SYN3: variants seen among roughly 807,000 people sequenced by gnomAD.
The protein encoded by SYN3 is synapsin III.
In SYN3, 35 loss-of-function variants were observed where a neutral mutation model predicts 65.8. The observed-to-expected ratio is 0.53, with a 90% CI of 0.41 to 0.70. SYN3 has a LOEUF of 0.70. Ranked by LOEUF, SYN3 falls within the 30% of genes least tolerant of loss-of-function variation. SYN3 has a pLI of 0.00. For synonymous variants in SYN3, 270 were observed against 292.9 expected (o/e 0.92, Z 0.80); for missense variants, 680 against 749.0 (o/e 0.91, Z 1.08).
chr22:32,749,578 T>C (rs1413314542), intron 6 of SYN3, among the ~76,000 whole-genome samples: 3 of 151,496 alleles, frequency 2.0e-5, no homozygotes, highest in Admixed American at 2.0e-4. Context: ...GTGGCAGGGG[T>C]TGCAGTGAGC....
At position 32,527,980 on chromosome 22, in the gene SYN3, G is replaced by A. The variant is rs1449710325; in HGVS notation, c.1256C>T (p.Ser419Phe). 6.3e-7 allele frequency: 1 copy of A among 1,586,252 alleles called. No homozygotes were observed. The change falls in exon 12 of 14, where the codon TCC becomes TTC. Residue 419 changes from serine to phenylalanine, a missense_variant. By Grantham distance (155) the Ser-to-Phe change is radical. Transcript: ENST00000358763. ...AGGCCCCAGCTGGGCTTGCCCTGGG[G>A]ATTTCGCTGATTTAATCTGTGGAGC... ...PWAPQIKSAK[S>F]PGQAQLGPQL...
intron 7 of SYN3, among the ~76,000 whole-genome samples, chr22:32,561,123 A>G (rs544501955): frequency 3.3e-5 from 5 of 152,258 alleles, no homozygotes; most frequent in African/African-American, 9.6e-5. Context: ...ACGACAGAGA[A>G]AGTCTCCCTC....
At chr22:32,602,299 C>T (rs1236147161) in intron 6 of SYN3, among the ~76,000 whole-genome samples, 5 of 152,176 alleles carry the variant, frequency 3.3e-5, no homozygotes, top group African/African-American at 1.2e-4. Context: ...TCCCTCACCA[C>T]GTGCAATCTT....
chr22:32,904,023 C>T (rs2049835063), intron 4 of SYN3, among the ~76,000 whole-genome samples: 1 of 152,170 alleles, frequency 6.6e-6, no homozygotes. Context: ...CTCAGAGCAC[C>T]ACAACAGACA....
intron 6 of SYN3, among the ~76,000 whole-genome samples, chr22:32,726,493 A>G (rs1382409858): frequency 6.6e-6 from 1 of 152,124 alleles, no homozygotes; most frequent in Admixed American, 6.6e-5. Context: ...CTATATCCAT[A>G]TGGGCTTTAC....
At chr22:32,708,379 C>T (rs1485774693) in intron 6 of SYN3, among the ~76,000 whole-genome samples, 1 of 152,196 alleles carries the variant, frequency 6.6e-6, no homozygotes, top group African/African-American at 2.4e-5. Flanking sequence ...CCATTCCCAC[C>T]ACGATGTAGT....
chr22:32,993,619 C>G (rs1002341350), intron 2 of SYN3, among the ~76,000 whole-genome samples: 14 of 152,362 alleles, frequency 9.2e-5, no homozygotes, highest in Admixed American at 7.2e-4. Flanking sequence ...GTTGGGATTA[C>G]AGGCGTGAGC....
intron 4 of SYN3, among the ~76,000 whole-genome samples, chr22:32,895,923 G>A (rs1034518484): frequency 6.6e-6 from 1 of 152,098 alleles, no homozygotes; most frequent in Non-Finnish European, 1.5e-5. Flanking sequence ...GGTCATACTA[G>A]TACTATTAAT....
chr22:32,849,602 G>A, intron 6 of SYN3: 2 of 1,434,054 alleles, frequency 1.4e-6, no homozygotes, highest in East Asian at 2.4e-5. Flanking sequence ...CCTGGCTAAG[G>A]GAGGCAAAGT....
intron 6 of SYN3, among the ~76,000 whole-genome samples, chr22:32,603,859 G>A (rs1394369732): frequency 1.3e-5 from 2 of 152,270 alleles, no homozygotes; most frequent in East Asian, 1.9e-4. Flanking sequence ...ACTCCAGAGT[G>A]CAGCACTGCC....
At chr22:33,001,337 A>C (rs1050123721) in intron 2 of SYN3, among the ~76,000 whole-genome samples, 3 of 152,162 alleles carry the variant, frequency 2.0e-5, no homozygotes, top group Non-Finnish European at 1.5e-5. Flanking sequence ...CTGAACATCA[A>C]ATTCAAAATT....
At chr22:32,984,670 G>T (rs2052472733) in intron 2 of SYN3, among the ~76,000 whole-genome samples, 1 of 152,176 alleles carries the variant, frequency 6.6e-6, no homozygotes, top group African/African-American at 2.4e-5. Flanking sequence ...GTCAAGAGAG[G>T]TGTGGCTAAT....
At chr22:32,892,581 G>A (rs1250282592) in intron 4 of SYN3, among the ~76,000 whole-genome samples, 1 of 152,206 alleles carries the variant, frequency 6.6e-6, no homozygotes. Context: ...AGAGAGAGAT[G>A]TATTTCTGAT....
At chr22:32,668,683 C>T (rs2060323706) in intron 6 of SYN3, among the ~76,000 whole-genome samples, 1 of 152,106 alleles carries the variant, frequency 6.6e-6, no homozygotes, top group Non-Finnish European at 1.5e-5. Context: ...ATTAGGGCTG[C>T]CCAAATGTAA....
At position 32,858,044 on chromosome 22, in the gene SYN3, C is replaced by T. The variant is rs773248900; in HGVS notation, c.711+6871G>A. ...CGCGTCTATGATGGCAAGATGTACA[C>T]GGGGCTGTGCAACTTCGTGGAGAGG... is the stretch of plus-strand genomic sequence containing the variant. On this transcript the variant is annotated intron_variant, in intron 6 of 13. Coordinates refer to ENST00000358763, the MANE Select transcript of SYN3 (RefSeq NM_003490.4). 1.1e-5 allele frequency: 17 copies of T among 1,614,032 alleles called. No individual in the cohort carries two copies. The Admixed American group carries it at 1.5e-4, about 14-fold the overall frequency.
chr22:32,660,864 C>T (rs1405368093), intron 6 of SYN3, among the ~76,000 whole-genome samples: 1 of 152,110 alleles, frequency 6.6e-6, no homozygotes, highest in Non-Finnish European at 1.5e-5. Context: ...CTAAGGACCA[C>T]CACCCAGGCG....
intron 4 of SYN3, among the ~76,000 whole-genome samples, chr22:32,895,951 G>A (rs2049581071): frequency 6.6e-6 from 1 of 152,160 alleles, no homozygotes; most frequent in Admixed American, 6.5e-5. Flanking sequence ...GGGTTGTTGG[G>A]AAGATTGAAT....
intron 7 of SYN3, among the ~76,000 whole-genome samples, chr22:32,568,007 C>T (rs1052029858): frequency 6.6e-6 from 1 of 152,188 alleles, no homozygotes; most frequent in Non-Finnish European, 1.5e-5. Context: ...TCAGAAGGGA[C>T]CGGACGGTCA....
chr22:32,556,109 C>A (rs1314902335), intron 7 of SYN3, among the ~76,000 whole-genome samples: 1 of 152,114 alleles, frequency 6.6e-6, no homozygotes, highest in Non-Finnish European at 1.5e-5. Flanking sequence ...AATTTTTTCA[C>A]GGCATTCTTA....
Sources: gnomAD v4.1 joint callset for allele counts (sites outside exome capture counted in the v4.1 genomes callset) on GRCh38, gnomAD v4.1.1 for gene constraint, MANE v1.5 for transcripts, NCBI Gene and HGNC (gene_info 2026-07-23, HGNC 2026-07-21) for gene names.